Variants in CHN1 observed in about 807,000 individuals in gnomAD.
CHN1 encodes N-chimaerin.
A neutral mutation model predicts 59.5 loss-of-function variants in CHN1; 37 were observed. The ratio of observed to expected loss-of-function variants is 0.62; its 90% CI spans 0.48 to 0.82. The LOEUF (loss-of-function observed/expected upper bound fraction) is 0.82, where lower values mean the gene tolerates loss of function less well. Ranked by LOEUF, CHN1 falls within the 40% of genes least tolerant of loss-of-function variation. CHN1 has a pLI of 0.00. For missense variants in CHN1, 469 were observed against 571.0 expected (o/e 0.82, Z 1.82); for synonymous variants, 206 against 200.4 (o/e 1.03, Z -0.24).
chr2:174,918,530 T>G lies in CHN1; in HGVS notation c.146+4A>C. On this transcript the variant is annotated splice_donor_region_variant and intron_variant, in intron 4 of 12. Transcript: ENST00000409900. ...TAAAACGTTTTCTAATAATCCATAC[T>G]TACTCTCTTCCATAATACTTTGGTC... 1 of 1,586,100 alleles carries G rather than the reference T, an allele frequency of 6.3e-7. No homozygotes were observed. Among genetic ancestry groups the G allele is most frequent in the Non-Finnish European group, 8.6e-7 (1 of 1,164,706 alleles).
intron 5 of CHN1, among the ~76,000 whole-genome samples, chr2:174,900,973 T>A (rs1221131148): frequency 4.6e-5 from 7 of 152,008 alleles, no homozygotes; most frequent in Non-Finnish European, 1.0e-4. Flanking sequence ...AGAGAAAGCT[T>A]GCATGGTAAA....
At chr2:174,966,788 A>T (rs899822758) in intron 1 of CHN1, among the ~76,000 whole-genome samples, 1 of 152,230 alleles carries the variant, frequency 6.6e-6, no homozygotes, top group African/African-American at 2.4e-5. Flanking sequence ...ACATGTCGGC[A>T]TATTTACAGA....
chr2:174,863,149 T>C (rs943792087), intron 6 of CHN1, among the ~76,000 whole-genome samples: 3 of 152,240 alleles, frequency 2.0e-5, no homozygotes, highest in African/African-American at 7.2e-5. Flanking sequence ...ATGTGACTTT[T>C]TGATATTGTA....
rs189719262 is a variant in CHN1, at chr2:174,801,231, T to C, written c.1208+476A>G. ...ATCCCTTACTTCTTTACTCCACCAC[T>C]TTTTACATCAGTTTGCAGTGTTGGC... On this transcript the variant is annotated intron_variant, in intron 12 of 12. Coordinates refer to ENST00000409900, the MANE Select transcript of CHN1 (RefSeq NM_001822.7). Among the ~76,000 whole-genome samples the C allele has an allele frequency of 1.1e-4, 17 of 152,350 alleles. No individual in the cohort carries two copies. The East Asian group carries it at 3.3e-3, about 29-fold the overall frequency.
At chr2:174,850,489 C>T (rs1686693841) in intron 6 of CHN1, among the ~76,000 whole-genome samples, 1 of 152,068 alleles carries the variant, frequency 6.6e-6, no homozygotes. Context: ...ATAATAATAC[C>T]TGTCTCACAG....
At position 174,812,367 on chromosome 2, in the gene CHN1, T is replaced by C; in HGVS notation, c.828A>G (p.Ala276=). The change falls in exon 9 of 13, where the codon GCA becomes GCG. Residue 276 remains alanine (A), a synonymous_variant. Transcript: ENST00000409900. Reference sequence around the variant, plus strand: ...CCACCATTGGCCGCTTAGTGGTATGTGCTTTCACGAGCGTCGTAAGGTCAC... The same window carrying C: ...CCACCATTGGCCGCTTAGTGGTATGCGCTTTCACGAGCGTCGTAAGGTCAC... The part of the protein sequence containing the change: ...YSCDLTTLVK[A]HTTKRPMVVD... 1.2e-6 allele frequency: 2 copies of C among 1,614,032 alleles called. No individual in the cohort carries two copies. Among genetic ancestry groups the C allele is most frequent in the Middle Eastern group, 1.6e-4 (1 of 6,062 alleles).
At chr2:174,827,882 C>A (rs919896166) in intron 7 of CHN1, among the ~76,000 whole-genome samples, 1 of 152,050 alleles carries the variant, frequency 6.6e-6, no homozygotes, top group African/African-American at 2.4e-5. Flanking sequence ...AGTAGAGAAA[C>A]TGGTTTAGAA....
chr2:174,962,121 C>G (rs978468210), intron 1 of CHN1, among the ~76,000 whole-genome samples: 1 of 152,062 alleles, frequency 6.6e-6, no homozygotes, highest in Admixed American at 6.5e-5. Context: ...CCCGTCTCTA[C>G]TAAAAATACG....
At chr2:174,846,995 G>C (rs373949870) in intron 6 of CHN1, 38 bp from the exon 7 acceptor site, 1 of 1,551,954 alleles carries the variant, frequency 6.4e-7, no homozygotes, top group Non-Finnish European at 8.7e-7. Context: ...TTGCCAGATT[G>C]TCACAGACGA....
chr2:174,888,010 G>A (rs1687940282), intron 5 of CHN1, among the ~76,000 whole-genome samples: 1 of 152,134 alleles, frequency 6.6e-6, no homozygotes, highest in Non-Finnish European at 1.5e-5. Context: ...ACTATAGGTA[G>A]TGCCTGCACT....
intron 6 of CHN1, among the ~76,000 whole-genome samples, chr2:174,874,437 T>C (rs1687498434): frequency 6.6e-6 from 1 of 152,268 alleles, no homozygotes; most frequent in South Asian, 2.1e-4. Flanking sequence ...GCAACTGAAA[T>C]AGTTAATGAG....
At chr2:174,936,159 T>C (rs1273324398) in intron 3 of CHN1, among the ~76,000 whole-genome samples, 1 of 152,202 alleles carries the variant, frequency 6.6e-6, no homozygotes, top group African/African-American at 2.4e-5. Context: ...TCATTGTTAC[T>C]ATAATGTGCA....
intron 1 of CHN1, among the ~76,000 whole-genome samples, chr2:175,001,642 G>A (rs926366493): frequency 1.3e-5 from 2 of 152,226 alleles, no homozygotes; most frequent in African/African-American, 4.8e-5. Context: ...AACGCCAGAG[G>A]TGACTCTACC....
intron 1 of CHN1, among the ~76,000 whole-genome samples, chr2:174,954,591 C>T (rs940151406): frequency 1.3e-5 from 2 of 151,948 alleles, no homozygotes; most frequent in South Asian, 4.1e-4. Context: ...TCAAACAAAT[C>T]AGCAAGAACA....
chr2:174,977,060 T>C (rs1690969731), intron 1 of CHN1, among the ~76,000 whole-genome samples: 1 of 152,166 alleles, frequency 6.6e-6, no homozygotes, highest in Non-Finnish European at 1.5e-5. Context: ...TGTCAATTCT[T>C]GAGTTTGATG....
chr2:174,907,473 T>C (rs140069539), intron 5 of CHN1, among the ~76,000 whole-genome samples: 11 of 152,288 alleles, frequency 7.2e-5, no homozygotes, highest in African/African-American at 2.2e-4. Context: ...CCAATCCTTC[T>C]TCCAAGGAAT....
intron 3 of CHN1, among the ~76,000 whole-genome samples, chr2:174,926,924 AT>A (rs1326252497): frequency 2.6e-5 from 4 of 151,692 alleles, no homozygotes; most frequent in African/African-American, 9.7e-5. Context: ...CGCCCAGCTA[AT>A]TTTTTTGTAT....
At chr2:174,875,434 A>G (rs920260783) in intron 6 of CHN1, among the ~76,000 whole-genome samples, 1 of 152,166 alleles carries the variant, frequency 6.6e-6, no homozygotes, top group Non-Finnish European at 1.5e-5. Flanking sequence ...CTTCTTCTAC[A>G]ATACCTACAC....
rs373580587 is a variant in CHN1 at position 174,847,419 on chromosome 2, A to C, written c.550-462T>G. 2.1e-4 allele frequency: 259 copies of C among 1,215,174 alleles called. 1 individual carries two copies. In the East Asian group the frequency reaches 5.2e-3, roughly 24 times the overall value. 75.3% of individuals were successfully genotyped at this position (1,215,174 alleles called of 1,614,324 possible). A position where few individuals can be genotyped will look rare whatever the true frequency, so the allele number is the denominator to read the frequency against. ...AAAAAGAAAGAGTCGATGCTAACAT[A>C]CAAAACACTCAGCATCTCTCTTTAT... On this transcript the variant is annotated intron_variant, in intron 6 of 12. Transcript: ENST00000409900.
Sources: gnomAD v4.1 joint callset for allele counts (sites outside exome capture counted in the v4.1 genomes callset) on GRCh38, gnomAD v4.1.1 for gene constraint, MANE v1.5 for transcripts, NCBI Gene and HGNC (gene_info 2026-07-23, HGNC 2026-07-21) for gene names.